SLC39A8: variants seen among roughly 807,000 people sequenced by gnomAD.
SLC39A8 encodes solute carrier family 39 member 8, also known as metal cation symporter ZIP8.
SLC39A8 carries 15 observed loss-of-function variants against 40.4 expected under a neutral mutation model. The ratio of observed to expected loss-of-function variants is 0.37; its 90% CI spans 0.25 to 0.57. SLC39A8 has a LOEUF of 0.57. SLC39A8 is among the 20% of genes least tolerant of loss of function. SLC39A8 has a pLI of 0.75. For missense variants in SLC39A8, 472 were observed against 558.8 expected (o/e 0.84, Z 1.57); for synonymous variants, 223 against 221.6 (o/e 1.01, Z -0.06).
chr4:102,320,439 AAT>A (rs1219552241), intron 2 of SLC39A8, among the ~76,000 whole-genome samples: 2 of 82,172 alleles, frequency 2.4e-5, no homozygotes, highest in South Asian at 3.5e-4. Flanking sequence ...TATATATGAG[AAT>A]ATATATATGA....
chr4:102,267,936 C>T lies in SLC39A8; in HGVS notation c.984G>A (p.Leu328=). ...AAGTACTGAGTCCCTGAAGGAGAGA[C>T]AAGGTGCAGGAAGCCCCAATCGCCA... ...DGLAIGASCT[L]SLLQGLSTSI... Residue 328 remains leucine, a synonymous_variant, in exon 7 of 9, where the codon TTG becomes TTA. Coordinates refer to ENST00000356736, the MANE Select transcript of SLC39A8 (RefSeq NM_001135146.2). 6.2e-7 allele frequency: 1 copy of T among 1,614,154 alleles called. No individual in the cohort carries two copies. The highest frequency in any genetic ancestry group is 8.5e-7 in the Non-Finnish European group (1 of 1,180,030).
chr4:102,257,445 T>A (rs572005881), downstream of SLC39A8, among the ~76,000 whole-genome samples: 4 of 152,340 alleles, frequency 2.6e-5, no homozygotes, highest in East Asian at 3.9e-4. Flanking sequence ...GCCACAGATA[T>A]TGTAAGAAGC....
At chr4:102,276,540 G>A (rs1220696172) in intron 6 of SLC39A8, among the ~76,000 whole-genome samples, 3 of 152,130 alleles carry the variant, frequency 2.0e-5, no homozygotes, top group African/African-American at 7.2e-5. Context: ...GAGATTCACA[G>A]TCGAATTCTA....
chr4:102,330,592 C>T (rs546315951), intron 2 of SLC39A8, among the ~76,000 whole-genome samples: 10 of 151,798 alleles, frequency 6.6e-5, no homozygotes, highest in East Asian at 1.9e-4. Flanking sequence ...TCGGTATTCA[C>T]GGATACAGAG....
intron 2 of SLC39A8, among the ~76,000 whole-genome samples, chr4:102,323,413 G>T (rs1735047231): frequency 6.6e-6 from 1 of 152,204 alleles, no homozygotes; most frequent in Non-Finnish European, 1.5e-5. Flanking sequence ...GTCAGGGAAG[G>T]CTTCCTAGAG....
At chr4:102,319,927 G>A (rs1257034545) in intron 2 of SLC39A8, among the ~76,000 whole-genome samples, 3 of 151,846 alleles carry the variant, frequency 2.0e-5, no homozygotes, top group Non-Finnish European at 2.9e-5. Flanking sequence ...ACAAAAGGCA[G>A]AGGAAGGAAT....
At chr4:102,340,060 T>A (rs62329461) in intron 2 of SLC39A8, among the ~76,000 whole-genome samples, 19,891 of 152,168 alleles carry the variant, frequency 0.13, 1,553 homozygotes, top group South Asian at 0.28. Context: ...TGCATTATAA[T>A]TATATGTGCA....
intron 6 of SLC39A8, among the ~76,000 whole-genome samples, chr4:102,300,673 G>A (rs910273453): frequency 3.0e-4 from 46 of 151,892 alleles, no homozygotes; most frequent in Non-Finnish European, 6.3e-4. Context: ...AGTGACAGCC[G>A]GGATTGTCAA....
At chr4:102,257,384 G>A (rs192777330), downstream of SLC39A8, among the ~76,000 whole-genome samples, 24 of 152,098 alleles carry the variant, frequency 1.6e-4, no homozygotes, top group Admixed American at 7.9e-4. Flanking sequence ...TCTATTTACA[G>A]AAGTGCCAGC....
chr4:102,282,077 A>G (rs1732906996), intron 6 of SLC39A8, among the ~76,000 whole-genome samples: 1 of 152,204 alleles, frequency 6.6e-6, no homozygotes, highest in Non-Finnish European at 1.5e-5. Flanking sequence ...GAACTGAGGT[A>G]TAGAAAGGTT....
chr4:102,339,994 A>C (rs1735836531), intron 2 of SLC39A8, among the ~76,000 whole-genome samples: 1 of 152,220 alleles, frequency 6.6e-6, no homozygotes, highest in Non-Finnish European at 1.5e-5. Flanking sequence ...AATTCAAAAA[A>C]TTGCAACCTC....
At chr4:102,328,281 G>A (rs1442509723) in intron 2 of SLC39A8, among the ~76,000 whole-genome samples, 1 of 151,056 alleles carries the variant, frequency 6.6e-6, no homozygotes, top group Non-Finnish European at 1.5e-5. Flanking sequence ...TCTATACAAG[G>A]TCACTGGAAC....
At chr4:102,253,166 A>T in exon 12 of SLC39A8, 1 of 311,248 alleles carries the variant, frequency 3.2e-6, no homozygotes, top group Non-Finnish European at 5.8e-6. Context: ...TTTCGGGGCG[A>T]GCGGGGAGGG....
chr4:102,336,299 G>A (rs889886628), intron 2 of SLC39A8, among the ~76,000 whole-genome samples: 2 of 152,160 alleles, frequency 1.3e-5, no homozygotes, highest in Non-Finnish European at 2.9e-5. Flanking sequence ...TACAAAAAGA[G>A]GGTAAGTCAC....
chr4:102,264,161 A>G (rs1731987894), intron 8 of SLC39A8, among the ~76,000 whole-genome samples: 1 of 152,198 alleles, frequency 6.6e-6, no homozygotes, highest in Admixed American at 6.5e-5. Flanking sequence ...AGGAATCACT[A>G]TCTACAGCAA....
At chr4:102,343,497 C>T (rs1736028234) in intron 2 of SLC39A8, among the ~76,000 whole-genome samples, 1 of 152,110 alleles carries the variant, frequency 6.6e-6, no homozygotes. Flanking sequence ...CGTATTCTAC[C>T]CTCCAATATC....
chr4:102,320,166 TAC>T (rs1356611298), intron 2 of SLC39A8, among the ~76,000 whole-genome samples: 1 of 70,012 alleles, frequency 1.4e-5, no homozygotes, highest in African/African-American at 6.5e-5. Flanking sequence ...CATATATATA[TAC>T]ATATATATAT....
At chr4:102,294,349 AT>A (rs1733591012) in intron 6 of SLC39A8, among the ~76,000 whole-genome samples, 1 of 152,134 alleles carries the variant, frequency 6.6e-6, no homozygotes, top group South Asian at 2.1e-4. Flanking sequence ...TTTAGCAAGA[AT>A]CCCCTCATCC....
intron 2 of SLC39A8, among the ~76,000 whole-genome samples, chr4:102,324,948 G>A (rs993399638): frequency 1.3e-5 from 2 of 152,050 alleles, no homozygotes; most frequent in Non-Finnish European, 2.9e-5. Flanking sequence ...CTCACAGCAG[G>A]AACATTCAAA....
Sources: allele counts gnomAD v4.1 joint callset (sites outside exome capture counted in the v4.1 genomes callset), GRCh38; gene constraint gnomAD v4.1.1; transcripts MANE v1.5; gene names NCBI Gene and HGNC (gene_info 2026-07-23, HGNC 2026-07-21).